PCCA: variants seen among roughly 807,000 people sequenced by gnomAD.
PCCA encodes propionyl-CoA carboxylase alpha chain, mitochondrial.
Under a neutral mutation model 101.3 loss-of-function variants are expected in PCCA, and 74 were observed. That is an observed-to-expected ratio of 0.73 (90% CI 0.61 to 0.89). The LOEUF is 0.89. PCCA is among the 40% of genes least tolerant of loss of function. PCCA has a pLI of 0.00. For missense variants in PCCA, 891 were observed against 907.0 expected, an observed-to-expected ratio of 0.98 and a Z score of 0.23; for synonymous variants, 294 against 313.6, an observed-to-expected ratio of 0.94 and a Z score of 0.66.
intron 12 of PCCA, among the ~76,000 whole-genome samples, chr13:100,295,423 G>GA (rs1322050155): frequency 2.0e-5 from 3 of 152,030 alleles, no homozygotes; most frequent in Non-Finnish European, 4.4e-5. Flanking sequence ...GATAGCTTTC[G>GA]AAAAAACAAG....
chr13:100,169,588 C>T (rs1594506209), intron 6 of PCCA, among the ~76,000 whole-genome samples: 1 of 151,988 alleles, frequency 6.6e-6, no homozygotes, highest in East Asian at 2.0e-4. Context: ...GGTGCAGTGG[C>T]ACGATCTTGG....
chr13:100,281,295 G>T (rs1471918541), intron 12 of PCCA, among the ~76,000 whole-genome samples: 1 of 152,234 alleles, frequency 6.6e-6, no homozygotes, highest in Non-Finnish European at 1.5e-5. Flanking sequence ...AGAAGGAAAA[G>T]AAATTTGTGC....
chr13:100,125,637 A>T (rs1192610014), intron 4 of PCCA, among the ~76,000 whole-genome samples: 1 of 152,240 alleles, frequency 6.6e-6, no homozygotes, highest in Non-Finnish European at 1.5e-5. Context: ...TTAAAACAAT[A>T]GACTTTTCAT....
At chr13:100,155,363 A>G (rs932712472) in intron 5 of PCCA, among the ~76,000 whole-genome samples, 2 of 152,260 alleles carry the variant, frequency 1.3e-5, no homozygotes, top group African/African-American at 2.4e-5. Context: ...TTTGCTAGGA[A>G]AAAAGAAATC....
intron 6 of PCCA, among the ~76,000 whole-genome samples, chr13:100,188,326 A>AAAC (rs1402333469): frequency 5.3e-4 from 68 of 128,014 alleles, no homozygotes; most frequent in South Asian, 2.4e-3. Flanking sequence ...AAACAAAACA[A>AAAC]AAACACAAAG....
intron 19 of PCCA, among the ~76,000 whole-genome samples, chr13:100,405,659 C>T (rs113801167): frequency 3.9e-5 from 6 of 152,032 alleles, no homozygotes; most frequent in African/African-American, 1.2e-4. Context: ...CCTTTTAAGC[C>T]GAGCCCAGCC....
intron 20 of PCCA, among the ~76,000 whole-genome samples, chr13:100,433,113 T>C (rs1567128374): frequency 1.3e-5 from 2 of 152,238 alleles, no homozygotes. Context: ...GGTGTACAAA[T>C]ATCTGTTTGA....
Position 100,235,872 on chromosome 13 carries a change from G to C in PCCA, c.631G>C (p.Glu211Gln), listed in dbSNP as rs376551987. 4 of 1,601,768 alleles carry C rather than the reference G, an allele frequency of 2.5e-6. No homozygotes were observed. Among genetic ancestry groups the C allele is most frequent in the Non-Finnish European group, 3.4e-6 (4 of 1,168,922 alleles). The part of the protein sequence containing the change: ...DAEEAVRIAR[E>Q]IGYPVMIKAS... ...AGAAGAAGCTGTCAGAATTGCAAGG[G>C]AAATTGGTAAGTCCTTAAATTAACT... Residue 211 changes from glutamate (E) to glutamine (Q), a missense_variant, in exon 8 of 24, where the codon GAA becomes CAA. Coordinates refer to ENST00000376285, the MANE Select transcript of PCCA (RefSeq NM_000282.4).
intron 21 of PCCA, among the ~76,000 whole-genome samples, chr13:100,509,826 TTTTTGTTTTG>T (rs60985069): frequency 4.8e-4 from 72 of 149,568 alleles, no homozygotes; most frequent in Admixed American, 1.3e-3. Context: ...TTTTGTGTTT[TTTTTGTTTTG>T]TTTTGTTTTG....
chr13:100,262,617 T>C lies in PCCA; in HGVS notation c.717-112T>C. On this transcript the variant is annotated intron_variant, in intron 9 of 23. Transcript: ENST00000376285. ...TAAATATTTAATCGATTGTGTTTTC[T>C]TTTATAATGATAGCTCTATTTGTTT... 9.9e-6 allele frequency: 7 copies of C among 709,468 alleles called. No homozygotes were observed. In the East Asian group the frequency reaches 1.5e-4, roughly 15 times the overall value. The allele number at this position is 709,468 out of a possible 1,614,324, so 43.9% of individuals were successfully genotyped here.
intron 17 of PCCA, among the ~76,000 whole-genome samples, chr13:100,337,767 A>G (rs1305667181): frequency 6.6e-6 from 1 of 152,180 alleles, no homozygotes; most frequent in African/African-American, 2.4e-5. Context: ...GGTTCCCCTA[A>G]TGCATTGCCT....
At chr13:100,105,766 C>G (rs1419661178) in intron 2 of PCCA, among the ~76,000 whole-genome samples, 2 of 136,326 alleles carry the variant, frequency 1.5e-5, no homozygotes, top group African/African-American at 5.5e-5. Flanking sequence ...CACTTGAGCC[C>G]AGGAGGTCAG....
At chr13:100,154,851 C>T in intron 4 of PCCA, 128 bp from the exon 5 acceptor site, 3 of 738,994 alleles carry the variant, frequency 4.1e-6, no homozygotes, top group Non-Finnish European at 2.5e-6. Flanking sequence ...TTAGTGCATA[C>T]TCAAAAAGAA....
chr13:100,312,741 T>C (rs1225476525), intron 16 of PCCA, among the ~76,000 whole-genome samples: 1 of 152,244 alleles, frequency 6.6e-6, no homozygotes, highest in Admixed American at 6.5e-5. Flanking sequence ...TAAAATACTA[T>C]GCAGCTGTGA....
At chr13:100,123,523 G>A (rs936512353) in intron 4 of PCCA, among the ~76,000 whole-genome samples, 10 of 152,142 alleles carry the variant, frequency 6.6e-5, no homozygotes, top group Non-Finnish European at 1.3e-4. Context: ...AATTTAAAAT[G>A]AAATTTTTAG....
rs996873957 is a variant in PCCA, at chr13:100,155,083, G to A, written c.405G>A (p.Arg135=). The A allele has an allele frequency of 3.1e-6, 5 of 1,607,660 alleles. No homozygotes were observed. Among genetic ancestry groups the A allele is most frequent in the Admixed American group, 1.7e-5 (1 of 59,990 alleles). ...TCATGGAAGCCATTAAGAAAACCAG[G>A]GCCCAAGCTGTGAGTCTGAATGAAT... The part of the protein sequence containing the change: ...DAIMEAIKKT[R]AQAVHPGYGF... The change falls in exon 5 of 24, where the codon AGG becomes AGA. Residue 135 remains arginine, a synonymous_variant. Transcript: ENST00000376285.
At chr13:100,310,088 T>G (rs2066791440) in intron 16 of PCCA, among the ~76,000 whole-genome samples, 180 bp downstream of exon 16, 1 of 152,214 alleles carries the variant, frequency 6.6e-6, no homozygotes, top group African/African-American at 2.4e-5. Flanking sequence ...TTCCACTGTT[T>G]TAAGCAAATG....
chr13:100,252,520 G>A (rs888412431), intron 8 of PCCA, among the ~76,000 whole-genome samples: 1 of 152,014 alleles, frequency 6.6e-6, no homozygotes, highest in African/African-American at 2.4e-5. Flanking sequence ...TTATTATACA[G>A]CGTACCACTG....
intron 7 of PCCA, among the ~76,000 whole-genome samples, chr13:100,223,873 G>A (rs887410754): frequency 6.6e-6 from 1 of 152,222 alleles, no homozygotes; most frequent in African/African-American, 2.4e-5. Flanking sequence ...GTCGATTGGT[G>A]CATTCACAAA....
Sources: gnomAD v4.1 joint callset for allele counts (sites outside exome capture counted in the v4.1 genomes callset) on GRCh38, gnomAD v4.1.1 for gene constraint, MANE v1.5 for transcripts, NCBI Gene and HGNC (gene_info 2026-07-23, HGNC 2026-07-21) for gene names.